ANKS1B: variants seen among roughly 807,000 people sequenced by gnomAD.
The protein encoded by ANKS1B is ankyrin repeat and sterile alpha motif domain-containing protein 1B.
ANKS1B carries 36 observed loss-of-function variants against 148.3 expected under a neutral mutation model. The ratio of observed to expected loss-of-function variants is 0.24; its 90% confidence interval spans 0.19 to 0.32. ANKS1B has a LOEUF of 0.32. Ranked by LOEUF, ANKS1B falls within the 10% of genes least tolerant of loss-of-function variation. The pLI is 1.00. For missense variants in ANKS1B, 1,157 were observed against 1,542.6 expected (o/e 0.75, Z 4.19); for synonymous variants, 542 against 560.8 (o/e 0.97, Z 0.47).
At chr12:98,955,132 C>T (rs1452716631) in intron 17 of ANKS1B, among the ~76,000 whole-genome samples, 1 of 151,910 alleles carries the variant, frequency 6.6e-6, no homozygotes, top group African/African-American at 2.4e-5. Flanking sequence ...AAAAGATAAA[C>T]AAAATCATAA....
chr12:99,941,654 A>G (rs536268273), intron 1 of ANKS1B, among the ~76,000 whole-genome samples: 2 of 152,166 alleles, frequency 1.3e-5, no homozygotes, highest in Non-Finnish European at 2.9e-5. Flanking sequence ...TGTCATCTCA[A>G]TAAGAAAAAC....
chr12:99,049,866 T>C (rs1034436369), intron 17 of ANKS1B, among the ~76,000 whole-genome samples: 12 of 152,214 alleles, frequency 7.9e-5, no homozygotes, highest in African/African-American at 2.9e-4. Flanking sequence ...TTTGTAATCA[T>C]ATCAGCAGCC....
At chr12:99,566,872 C>G (rs887148653) in intron 9 of ANKS1B, among the ~76,000 whole-genome samples, 6 of 152,200 alleles carry the variant, frequency 3.9e-5, no homozygotes, top group Admixed American at 3.9e-4. Flanking sequence ...TAGGCTTCCT[C>G]TATCATGTTC....
At chr12:99,550,900 T>C (rs532344559) in intron 9 of ANKS1B, among the ~76,000 whole-genome samples, 1 of 152,336 alleles carries the variant, frequency 6.6e-6, no homozygotes, top group East Asian at 1.9e-4. Context: ...CTGCTTATCC[T>C]TGATTATCTT....
chr12:99,453,664 C>A (rs2095797435), intron 10 of ANKS1B, among the ~76,000 whole-genome samples: 1 of 152,172 alleles, frequency 6.6e-6, no homozygotes, highest in African/African-American at 2.4e-5. Flanking sequence ...TTTCCTGACC[C>A]TGTGAGATAA....
chr12:99,079,048 C>T (rs934128546), intron 16 of ANKS1B, among the ~76,000 whole-genome samples: 2 of 152,108 alleles, frequency 1.3e-5, no homozygotes, highest in Non-Finnish European at 2.9e-5. Context: ...AGGCCTCAGT[C>T]CGAAAATCCC....
intron 9 of ANKS1B, chr12:99,649,983 G>A (rs2098407383): frequency 6.5e-6 from 1 of 152,718 alleles, no homozygotes; most frequent in South Asian, 2.1e-4. Context: ...GTGCAGAGGT[G>A]GACATCTCAC....
intron 1 of ANKS1B, among the ~76,000 whole-genome samples, chr12:99,828,927 G>A (rs538963552): frequency 2.6e-5 from 4 of 152,048 alleles, no homozygotes; most frequent in Non-Finnish European, 5.9e-5. Context: ...AAGTTGAAGT[G>A]AGTCAAGATC....
At chr12:98,946,020 G>C (rs2099844945) in intron 17 of ANKS1B, among the ~76,000 whole-genome samples, 1 of 152,204 alleles carries the variant, frequency 6.6e-6, no homozygotes, top group Non-Finnish European at 1.5e-5. Context: ...CCACGTGGTT[G>C]AGGTCGATCT....
intron 25 of ANKS1B, among the ~76,000 whole-genome samples, chr12:98,758,481 C>T (rs1249819798): frequency 1.3e-5 from 2 of 152,144 alleles, no homozygotes; most frequent in African/African-American, 4.8e-5. Flanking sequence ...ACCTACTGGC[C>T]CATTGCCTGG....
chr12:99,722,571 C>T (rs950311199), intron 8 of ANKS1B, among the ~76,000 whole-genome samples: 3 of 152,200 alleles, frequency 2.0e-5, no homozygotes, highest in Non-Finnish European at 2.9e-5. Flanking sequence ...ATTATTATTG[C>T]TCATCGACAA....
chr12:99,118,167 A>C (rs1258254910), intron 15 of ANKS1B, among the ~76,000 whole-genome samples: 3 of 152,222 alleles, frequency 2.0e-5, no homozygotes, highest in Non-Finnish European at 4.4e-5. Context: ...GACTGTATGC[A>C]AAAACGCTAA....
intron 22 of ANKS1B, among the ~76,000 whole-genome samples, chr12:98,797,846 A>C (rs1228561231): frequency 6.6e-6 from 1 of 152,230 alleles, no homozygotes; most frequent in Non-Finnish European, 1.5e-5. Context: ...AAAATAAACA[A>C]CAAGGTATAT....
intron 14 of ANKS1B, among the ~76,000 whole-genome samples, chr12:99,229,156 A>G (rs147043686): frequency 6.6e-6 from 1 of 151,908 alleles, no homozygotes; most frequent in East Asian, 1.9e-4. Flanking sequence ...TTTTTTTTGC[A>G]TGTATGTGTA....
At chr12:99,263,293 C>G (rs61940214) in intron 12 of ANKS1B, among the ~76,000 whole-genome samples, 1 of 151,922 alleles carries the variant, frequency 6.6e-6, no homozygotes, top group Non-Finnish European at 1.5e-5. Flanking sequence ...GCCCACGCCC[C>G]GTTTTCCAAT....
At chr12:99,263,951 G>A (rs1227447626) in intron 12 of ANKS1B, among the ~76,000 whole-genome samples, 1 of 152,048 alleles carries the variant, frequency 6.6e-6, no homozygotes, top group Non-Finnish European at 1.5e-5. Flanking sequence ...GACTTACTAT[G>A]GTCTTGCACA....
At chr12:98,924,349 G>C (rs1332964435) in intron 17 of ANKS1B, among the ~76,000 whole-genome samples, 1 of 152,208 alleles carries the variant, frequency 6.6e-6, no homozygotes, top group African/African-American at 2.4e-5. Flanking sequence ...TGTTCAGTAA[G>C]GTAGATAGTA....
At chr12:99,936,875 A>C (rs1349460436) in intron 1 of ANKS1B, among the ~76,000 whole-genome samples, 1 of 151,982 alleles carries the variant, frequency 6.6e-6, no homozygotes, top group Non-Finnish European at 1.5e-5. Flanking sequence ...TATTTGATGT[A>C]TTCAATGATC....
chr12:99,768,294 T>C (rs2062843693), intron 8 of ANKS1B, among the ~76,000 whole-genome samples: 1 of 152,160 alleles, frequency 6.6e-6, no homozygotes, highest in African/African-American at 2.4e-5. Context: ...TACAGAAATG[T>C]TTTCCACATT....
Sources: allele counts gnomAD v4.1 joint callset (sites outside exome capture counted in the v4.1 genomes callset), GRCh38; gene constraint gnomAD v4.1.1; transcripts MANE v1.5; gene names NCBI Gene and HGNC (gene_info 2026-07-23, HGNC 2026-07-21).